The following NCOR2 variants were observed in gnomAD, a reference collection of about 807,000 sequenced individuals.
The protein encoded by NCOR2 is nuclear receptor corepressor 2.
Under a neutral mutation model 262.9 loss-of-function variants are expected in NCOR2, and 81 were observed. The observed-to-expected ratio is 0.31, with a 90% CI of 0.26 to 0.37. The LOEUF (loss-of-function observed/expected upper bound fraction) is 0.37. Among genes scored for constraint, NCOR2 ranks in the 10% least tolerant of loss-of-function variants. The pLI is 1.00. For missense variants in NCOR2, 3,385 were observed against 3,621.4 expected, an observed-to-expected ratio of 0.93 and a Z score of 1.68; for synonymous variants, 1,659 against 1,559.3, an observed-to-expected ratio of 1.06 and a Z score of -1.51.
intron 1 of NCOR2, among the ~76,000 whole-genome samples, chr12:124,522,436 T>C (rs933236108): frequency 5.9e-5 from 9 of 152,292 alleles, no homozygotes; most frequent in African/African-American, 2.2e-4. Context: ...GAGCCTTCTC[T>C]GTGTCTTCCA....
chr12:124,457,829 A>T lies in NCOR2; in HGVS notation c.706-667T>A, dbSNP rs2045962662. Among the ~76,000 whole-genome samples the T allele has an allele frequency of 6.6e-6, 1 of 152,134 alleles. No homozygotes were observed. Among genetic ancestry groups the T allele is most frequent in the Admixed American group, 6.5e-5 (1 of 15,282 alleles). ...ACCCCGGCCCTCGGTGTGAAGGCAG[A>T]CATTGTGCCTCGGCCAGGCCCACCA... On this transcript the variant is annotated intron_variant, in intron 5 of 46. Transcript: ENST00000405201. This position sits in a 1 kb window ranked among gnomAD's most constrained non-coding sequence, Gnocchi z 4.0.
chr12:124,526,938 A>T (rs896193054), intron 1 of NCOR2, among the ~76,000 whole-genome samples: 3 of 152,210 alleles, frequency 2.0e-5, no homozygotes, highest in African/African-American at 7.2e-5. Context: ...GGCAGGACAG[A>T]GAGTCCCCCA....
At chr12:124,392,124 G>GC (rs925975070) in intron 16 of NCOR2, among the ~76,000 whole-genome samples, 19 of 152,344 alleles carry the variant, frequency 1.2e-4, no homozygotes, top group African/African-American at 3.8e-4. Context: ...CATTACTACC[G>GC]CATCGACCGC....
At chr12:124,332,782 G>A (rs1322679399) in intron 42 of NCOR2, among the ~76,000 whole-genome samples, 1 of 152,162 alleles carries the variant, frequency 6.6e-6, no homozygotes, top group Admixed American at 6.5e-5. Context: ...TTCCCCAGGG[G>A]CAGCGGGCCC....
chr12:124,437,926 T>C lies in NCOR2; in HGVS notation c.882+4A>G. The C allele has an allele frequency of 1.9e-6, 3 of 1,611,184 alleles. No homozygotes were observed. Among genetic ancestry groups the C allele is most frequent in the Non-Finnish European group, 2.5e-6 (3 of 1,178,582 alleles). ...AGCTGATGGGGGCCACGGTGTGGAC[T>C]TACCCATTGTTTCCGAGCGTGATTC... is the stretch of plus-strand genomic sequence containing the variant. On this transcript the variant is annotated splice_donor_region_variant and intron_variant, in intron 8 of 46. Coordinates refer to ENST00000405201, the Ensembl canonical transcript of NCOR2.
At chr12:124,335,140 T>A in exon 40 of NCOR2, 1 of 1,612,260 alleles carries the variant, frequency 6.2e-7, no homozygotes, top group Non-Finnish European at 8.5e-7. Context: ...GTTACACTGA[T>A]GTGCTGGGCC....
intron 1 of NCOR2, among the ~76,000 whole-genome samples, chr12:124,525,722 G>A (rs187762395): frequency 1.6e-3 from 242 of 152,322 alleles, no homozygotes; most frequent in African/African-American, 5.6e-3. Context: ...ACGGGGCAGA[G>A]GGAGGGCTGC....
rs547104115 is a variant in NCOR2 at position 124,328,717 on chromosome 12, T to C, written c.6959-1084A>G. ...TTAAACTTCTGCTCCGAATGAATCA[T>C]ACGAATACAAAGTGGTCAAATCGTC... is the stretch of plus-strand genomic sequence containing the variant. On this transcript the variant is annotated intron_variant, in intron 44 of 46. Transcript: ENST00000405201. The C allele has an allele frequency of 1.2e-4, 21 of 175,994 alleles. No individual in the cohort carries two copies. The East Asian group carries it at 2.9e-3, about 24-fold the overall frequency. 10.9% of individuals were successfully genotyped at this position (175,994 alleles called of 1,614,324 possible).
intron 3 of NCOR2, among the ~76,000 whole-genome samples, chr12:124,479,575 G>T (rs1430167301): frequency 6.6e-6 from 1 of 151,870 alleles, no homozygotes; most frequent in African/African-American, 2.4e-5. Flanking sequence ...ACACGCACGC[G>T]CGCGCGCATG....
At chr12:124,419,814 C>A in intron 13 of NCOR2, 143 bp downstream of exon 15, 1 of 741,080 alleles carries the variant, frequency 1.3e-6, no homozygotes, top group Non-Finnish European at 2.3e-6. Context: ...GGAGGGGAGC[C>A]TGCACTCACA....
Position 124,440,441 on chromosome 12 carries a change from G to C in NCOR2, c.816-2445C>G, listed in dbSNP as rs186194047. On this transcript the variant is annotated intron_variant, in intron 7 of 46. Coordinates refer to ENST00000405201, the Ensembl canonical transcript of NCOR2. This position sits in a 1 kb window ranked among gnomAD's most constrained non-coding sequence, Gnocchi z 5.7. ...GGCCGCCGCCCCCCGGCCAGGGTGGGCCATGGGGGTCCTCAGTCCCACAGG... is the reference window on the plus strand; with the variant it reads ...GGCCGCCGCCCCCCGGCCAGGGTGGCCCATGGGGGTCCTCAGTCCCACAGG... Among the ~76,000 whole-genome samples, 2 of 152,200 alleles carry C rather than the reference G, an allele frequency of 1.3e-5. No individual in the cohort carries two copies. Among genetic ancestry groups the C allele is most frequent in the Non-Finnish European group, 2.9e-5 (2 of 68,026 alleles).
intron 41 of NCOR2, among the ~76,000 whole-genome samples, chr12:124,333,897 C>CGCGTGTGTGTGT (rs2035559995): frequency 8.1e-6 from 1 of 123,614 alleles, no homozygotes; most frequent in African/African-American, 2.7e-5. Flanking sequence ...TGTGTGTGTG[C>CGCGTGTGTGTGT]GCGCGCATGT....
At chr12:124,337,451 T>TCATAAAACGGATGCAAG in intron 37 of NCOR2, 1 of 653,846 alleles carries the variant, frequency 1.5e-6, no homozygotes, top group East Asian at 3.0e-5. Flanking sequence ...AATACAGCGG[T>TCATAAAACGGATGCAAG]CATAAAACGG....
At chr12:124,526,874 TC>T (rs2050498114) in intron 1 of NCOR2, among the ~76,000 whole-genome samples, 1 of 151,958 alleles carries the variant, frequency 6.6e-6, no homozygotes, top group South Asian at 2.1e-4. Context: ...CTCCTCCACC[TC>T]CCTGAGCCTC....
At chr12:124,364,625 G>A (rs998837786) in intron 20 of NCOR2, among the ~76,000 whole-genome samples, 1 of 152,220 alleles carries the variant, frequency 6.6e-6, no homozygotes. Context: ...GCTGTTCGGT[G>A]GGTGCCGTTT....
intron 1 of NCOR2, chr12:124,530,004 C>G (rs2050697507): frequency 6.6e-6 from 1 of 152,218 alleles, no homozygotes; most frequent in Admixed American, 6.5e-5. Context: ...CACACAAAGA[C>G]TTACACAAGA....
rs190018190 is a variant in NCOR2, at chr12:124,435,154, A to C, written c.882+2776T>G. On this transcript the variant is annotated intron_variant, in intron 8 of 46. Transcript: ENST00000405201. ...CTGACACCCTGACTCCCAGATCCGCACAAAGCCAGTCCTTTCTGGTCATTC... is the reference window on the plus strand; with the variant it reads ...CTGACACCCTGACTCCCAGATCCGCCCAAAGCCAGTCCTTTCTGGTCATTC... Among the ~76,000 whole-genome samples the C allele has an allele frequency of 3.1e-3, 478 of 152,110 alleles. 8 individuals are homozygous for C. Among genetic ancestry groups the C allele is most frequent in the Non-Finnish European group, 1.1e-3 (78 of 67,986 alleles).
At chr12:124,355,250 C>A (rs1593185192) in intron 24 of NCOR2, 182 bp downstream of exon 26, 1 of 700,042 alleles carries the variant, frequency 1.4e-6, no homozygotes, top group South Asian at 1.9e-5. Context: ...ACAGAGTGAC[C>A]CCCCAGGGAC....
chr12:124,345,259 C>A (rs1468337131), intron 31 of NCOR2, among the ~76,000 whole-genome samples: 1 of 152,122 alleles, frequency 6.6e-6, no homozygotes, highest in Admixed American at 6.5e-5. Context: ...CTGGAGTTTG[C>A]GAGAAAGAAG....
Sources: gnomAD v4.1 joint callset for allele counts (sites outside exome capture counted in the v4.1 genomes callset) on GRCh38, gnomAD v4.1.1 for gene constraint, Gnocchi (gnomAD v3.1) non-coding constraint, MANE v1.5 for transcripts, NCBI Gene and HGNC (gene_info 2026-07-23, HGNC 2026-07-21) for gene names.